SIPA1L2: variants seen among roughly 807,000 people sequenced by gnomAD.
SIPA1L2 encodes signal induced proliferation associated 1 like 2.
Under a neutral mutation model 163.9 loss-of-function variants are expected in SIPA1L2, and 56 were observed. The ratio of observed to expected loss-of-function variants is 0.34; its 90% CI spans 0.28 to 0.43. SIPA1L2 has a LOEUF of 0.43. Among genes scored for constraint, SIPA1L2 ranks in the 20% least tolerant of loss-of-function variants. SIPA1L2 has a pLI of 1.00. For missense variants in SIPA1L2, 1,974 were observed against 2,193.5 expected (o/e 0.90, Z 2.00); for synonymous variants, 877 against 865.7 (o/e 1.01, Z -0.23).
At chr1:232,413,152 T>C (rs917836074) in intron 19 of SIPA1L2, among the ~76,000 whole-genome samples, 1 of 152,218 alleles carries the variant, frequency 6.6e-6, no homozygotes, top group African/African-American at 2.4e-5. Context: ...ACAGGTTCTT[T>C]GGTTCTTCAT....
intron 22 of SIPA1L2, 129 bp downstream of exon 22, chr1:232,402,263 T>G: frequency 1.5e-6 from 1 of 661,316 alleles, no homozygotes; most frequent in Non-Finnish European, 2.5e-6. Context: ...GGAGCATCTG[T>G]TGGTATTTAT....
intron 1 of SIPA1L2, among the ~76,000 whole-genome samples, chr1:232,575,167 A>G (rs1222100582): frequency 6.6e-6 from 1 of 152,174 alleles, no homozygotes; most frequent in East Asian, 1.9e-4. Context: ...TGGAGTATAC[A>G]CTTCAGACAA....
chr1:232,475,836 T>C (rs1468631002), intron 7 of SIPA1L2, among the ~76,000 whole-genome samples: 1 of 152,184 alleles, frequency 6.6e-6, no homozygotes, highest in Non-Finnish European at 1.5e-5. Context: ...CATAACAAAG[T>C]AAAGATGATA....
chr1:232,624,063 A>G (rs1326785703), intron 1 of SIPA1L2, among the ~76,000 whole-genome samples: 1 of 152,158 alleles, frequency 6.6e-6, no homozygotes, highest in Non-Finnish European at 1.5e-5. Flanking sequence ...ACAGTAAAGT[A>G]TATGTTTATA....
intron 10 of SIPA1L2, among the ~76,000 whole-genome samples, chr1:232,450,209 T>C (rs1019045378): frequency 2.8e-4 from 43 of 152,356 alleles, no homozygotes; most frequent in African/African-American, 1.0e-3. Flanking sequence ...TACTCTGGAT[T>C]TACTGAGTTT....
intron 1 of SIPA1L2, among the ~76,000 whole-genome samples, chr1:232,581,783 C>T (rs1339907385): frequency 6.6e-6 from 1 of 152,170 alleles, no homozygotes; most frequent in Non-Finnish European, 1.5e-5. Flanking sequence ...AAGGTTCCTG[C>T]CTCTGTCCCT....
At chr1:232,429,110 A>G (rs1375336545) in intron 16 of SIPA1L2, among the ~76,000 whole-genome samples, 1 of 152,220 alleles carries the variant, frequency 6.6e-6, no homozygotes, top group Non-Finnish European at 1.5e-5. Flanking sequence ...AATTATCAGT[A>G]TATAAAAATG....
chr1:232,562,614 T>C (rs1659108691), intron 2 of SIPA1L2, among the ~76,000 whole-genome samples: 1 of 152,270 alleles, frequency 6.6e-6, no homozygotes, highest in South Asian at 2.1e-4. Flanking sequence ...TTCACCATAA[T>C]GTACTGATGC....
At chr1:232,399,373 G>A (rs750036890) in intron 22 of SIPA1L2, 100 bp from the exon 23 acceptor site, 56 of 1,352,494 alleles carry the variant, frequency 4.1e-5, no homozygotes, top group Non-Finnish European at 5.6e-5. Context: ...TTTTACTTAT[G>A]TACTTTTTGA....
Position 232,572,770 on chromosome 1 carries a change from TATATATA to T in SIPA1L2, c.-270+1397_-270+1403del, listed in dbSNP as rs1558277875. Among the ~76,000 whole-genome samples the T allele has an allele frequency of 5.9e-3, 701 of 118,124 alleles. 31 individuals carry two copies. In the East Asian group the frequency reaches 0.13, roughly 21 times the overall value. The allele number at this position is 118,124 out of a possible 152,430, so 77.5% of individuals were successfully genotyped here. A position where few individuals can be genotyped will look rare whatever the true frequency, so the allele number is the denominator to read the frequency against. ...ATATATATATATATATATATATATA[TATATATA>T]TATTTATTTATTTATTTTTTCCTTG... On this transcript the variant is annotated intron_variant, in intron 2 of 22. Coordinates refer to ENST00000674635, the MANE Select transcript of SIPA1L2 (RefSeq NM_020808.5).
rs748621686 is a variant in SIPA1L2, at chr1:232,464,994, T to C, written c.2666A>G (p.Lys889Arg). The change falls in exon 9 of 23, where the codon AAG (lysine) becomes AGG (arginine). Residue 889 changes from lysine to arginine, a missense_variant. Physicochemically the swap from Lys to Arg is conservative, Grantham distance 26. Coordinates refer to ENST00000674635, the MANE Select transcript of SIPA1L2 (RefSeq NM_020808.5). The stretch of plus-strand genomic sequence containing the variant: ...GCAGGAACAGTTGAATACAACATTC[T>C]TGGAATCCTTTTCAATCAACATGAT... ...EFIMLIEKDSKNVVFNCSCRD... is the reference protein window; with the variant it reads ...EFIMLIEKDSRNVVFNCSCRD... 1.9e-6 allele frequency: 3 copies of C among 1,614,190 alleles called. No homozygotes were observed. The highest frequency in any genetic ancestry group is 1.1e-5 in the South Asian group (1 of 91,080).
Position 232,465,160 on chromosome 1 carries a change from C to T in SIPA1L2, c.2500G>A (p.Gly834Ser), listed in dbSNP as rs958242254. The T allele has an allele frequency of 3.1e-6, 5 of 1,614,052 alleles. No individual in the cohort carries two copies. In the African/African-American group the frequency reaches 6.7e-5, roughly 22 times the overall value. Residue 834 changes from glycine to serine, a missense_variant, in exon 9 of 23, where the codon GGT becomes AGT. Gly to Ser is a moderately conservative substitution (Grantham distance 56). Around this residue, in one of 3 missense-constraint regions of SIPA1L2, gnomAD observed 288 missense variants for 418.9 expected, o/e 0.69. Coordinates refer to ENST00000674635, the MANE Select transcript of SIPA1L2 (RefSeq NM_020808.5). The surrounding 1 kb of genome is among the most constrained non-coding windows in gnomAD (Gnocchi z 4.1). ...TTTACCTTCTCCTTTTTCTTCGCAC[C>T]CAGCGTAATGAAGCTGAACTTCACA... is the stretch of plus-strand genomic sequence containing the variant. ...TSVKFSFITL[G>S]AKKKEKVKPR... is the part of the protein sequence containing the mutation.
At chr1:232,488,763 C>T (rs1443517493) in intron 5 of SIPA1L2, among the ~76,000 whole-genome samples, 2 of 152,162 alleles carry the variant, frequency 1.3e-5, no homozygotes, top group South Asian at 4.1e-4. Context: ...AGAACTGCCT[C>T]GGATAGCTTC....
At chr1:232,435,267 T>C (rs1662491163) in intron 15 of SIPA1L2, among the ~76,000 whole-genome samples, 1 of 152,238 alleles carries the variant, frequency 6.6e-6, no homozygotes, top group Non-Finnish European at 1.5e-5. Flanking sequence ...TATTTTTCCA[T>C]TTGTTTTATA....
rs12047962 is a variant in SIPA1L2 at position 232,414,325 on chromosome 1, G to A, written c.4762+1169C>T. Among the ~76,000 whole-genome samples, 5,746 of 152,234 alleles carry A rather than the reference G, an allele frequency of 0.038. 614 individuals carry two copies. The East Asian group carries it at 0.43, about 11-fold the overall frequency. ...CTCAGGACCAGAGGCACTGATACCA[G>A]CTGGGTAGAGCGAAGCCACCATCGG... On this transcript the variant is annotated intron_variant, in intron 19 of 22. Transcript: ENST00000674635.
chr1:232,622,339 A>G (rs527544315), intron 1 of SIPA1L2, among the ~76,000 whole-genome samples: 1 of 152,378 alleles, frequency 6.6e-6, no homozygotes, highest in Non-Finnish European at 1.5e-5. Context: ...TCATGTACTG[A>G]GTCAACAAAA....
intron 3 of SIPA1L2, among the ~76,000 whole-genome samples, chr1:232,503,472 T>C (rs1666578982): frequency 2.0e-5 from 3 of 152,226 alleles, no homozygotes. Context: ...ATCACAACTC[T>C]GCAGGGCCTC....
At chr1:232,400,953 T>C (rs538836052) in intron 22 of SIPA1L2, among the ~76,000 whole-genome samples, 1 of 152,294 alleles carries the variant, frequency 6.6e-6, no homozygotes, top group African/African-American at 2.4e-5. Context: ...CCAGTAATGA[T>C]AGACTCCATC....
chr1:232,405,602 T>C (rs1660588340), intron 19 of SIPA1L2, among the ~76,000 whole-genome samples: 1 of 152,156 alleles, frequency 6.6e-6, no homozygotes. Flanking sequence ...AACCCTCTGT[T>C]CTGTAAAGAG....
Sources: allele counts gnomAD v4.1 joint callset (sites outside exome capture counted in the v4.1 genomes callset), GRCh38; gene constraint gnomAD v4.1.1; regional missense constraint gnomAD v4.1.1; non-coding constraint Gnocchi (gnomAD v3.1); transcripts MANE v1.5; gene names NCBI Gene and HGNC (gene_info 2026-07-23, HGNC 2026-07-21).